Variants in CDKL3 observed in about 807,000 individuals in gnomAD.
CDKL3 encodes cyclin dependent kinase like 3, also known as cyclin-dependent kinase-like 3.
In CDKL3, 65 loss-of-function variants were observed where a neutral mutation model predicts 69.3. The ratio of observed to expected loss-of-function variants is 0.94; its 90% CI spans 0.77 to 1.15. The LOEUF (loss-of-function observed/expected upper bound fraction) is 1.15, where lower values mean the gene tolerates loss of function less well. Among genes scored for constraint, CDKL3 ranks in the 50% most tolerant of loss-of-function variants. The pLI is 0.00. For synonymous variants in CDKL3, 202 were observed against 221.6 expected (o/e 0.91, Z 0.79); for missense variants, 652 against 689.2 (o/e 0.95, Z 0.61).
At chr5:134,364,399 C>G (rs17167475) in intron 2 of CDKL3, among the ~76,000 whole-genome samples, 23,089 of 152,162 alleles carry the variant, frequency 0.15, 2,226 homozygotes, top group African/African-American at 0.27. Flanking sequence ...AATTGAAGTA[C>G]TTCCCAAACC....
At chr5:134,321,931 A>T in intron 4 of CDKL3, 28 bp from the exon 5 acceptor site, 1 of 1,101,156 alleles carries the variant, frequency 9.1e-7, no homozygotes. Flanking sequence ...AAAAAAAATC[A>T]CTTTTTCATG....
At chr5:134,326,059 C>T (rs971087307) in intron 4 of CDKL3, among the ~76,000 whole-genome samples, 1 of 151,828 alleles carries the variant, frequency 6.6e-6, no homozygotes, top group Admixed American at 6.6e-5. Context: ...AGGCGTGAGC[C>T]ACTGCACCAT....
chr5:134,325,030 T>C (rs1376507890), intron 4 of CDKL3, among the ~76,000 whole-genome samples: 1 of 152,130 alleles, frequency 6.6e-6, no homozygotes, highest in Non-Finnish European at 1.5e-5. Flanking sequence ...AAATAAAAAG[T>C]GGCAGGGCTT....
At chr5:134,357,354 G>C (rs1259075761) in intron 3 of CDKL3, among the ~76,000 whole-genome samples, 1 of 152,068 alleles carries the variant, frequency 6.6e-6, no homozygotes, top group Non-Finnish European at 1.5e-5. Context: ...TGAGGCAGGA[G>C]AATCACTTGA....
intron 8 of CDKL3, among the ~76,000 whole-genome samples, chr5:134,286,763 G>C (rs1209337812): frequency 2.0e-5 from 3 of 152,218 alleles, no homozygotes; most frequent in African/African-American, 7.2e-5. Context: ...ACTATTATGA[G>C]AACAGCACAG....
intron 4 of CDKL3, among the ~76,000 whole-genome samples, chr5:134,330,082 T>C (rs891959373): frequency 4.6e-5 from 7 of 152,024 alleles, no homozygotes; most frequent in African/African-American, 1.4e-4. Flanking sequence ...ATTCTCAGTG[T>C]AAGATCCATA....
intron 12 of CDKL3, chr5:134,299,332 G>C (rs1265153013): frequency 8.0e-6 from 2 of 249,204 alleles, no homozygotes; most frequent in African/African-American, 4.6e-5. Flanking sequence ...CACATATTTA[G>C]AAACTTTTCC....
chr5:134,367,792 T>C (rs780334266), upstream of CDKL3, among the ~76,000 whole-genome samples: 2 of 152,236 alleles, frequency 1.3e-5, no homozygotes, highest in Non-Finnish European at 2.9e-5. Context: ...TGTCAAACTC[T>C]AGGAAAGCAA....
intron 8 of CDKL3, among the ~76,000 whole-genome samples, chr5:134,292,433 A>C (rs1248574019): frequency 6.6e-6 from 1 of 152,212 alleles, no homozygotes; most frequent in Non-Finnish European, 1.5e-5. Flanking sequence ...GGATAACAAC[A>C]TTTAAATTTG....
downstream of CDKL3, chr5:134,298,378 T>C (rs1276503937): frequency 1.7e-6 from 2 of 1,205,536 alleles, no homozygotes; most frequent in African/African-American, 3.1e-5. Flanking sequence ...TTGTATCATG[T>C]CACGGCTTGT....
chr5:134,329,442 ATTAAT>A (rs887165886), intron 4 of CDKL3, among the ~76,000 whole-genome samples: 88 of 151,814 alleles, frequency 5.8e-4, no homozygotes, highest in East Asian at 9.7e-4. Context: ...TCTTCTGTTA[ATTAAT>A]TTAATTTAAT....
At chr5:134,368,934 G>T (rs766445071), upstream of CDKL3, among the ~76,000 whole-genome samples, 1 of 152,124 alleles carries the variant, frequency 6.6e-6, no homozygotes. Context: ...GGCGTCTGAA[G>T]GAGAATTACT....
intron 8 of CDKL3, among the ~76,000 whole-genome samples, chr5:134,290,849 T>C (rs1765097777): frequency 6.6e-6 from 1 of 152,078 alleles, no homozygotes; most frequent in African/African-American, 2.4e-5. Flanking sequence ...ACTTAAGTTT[T>C]ATTAAGAACA....
At chr5:134,371,203 A>G, upstream of CDKL3, 1 of 276,506 alleles carries the variant, frequency 3.6e-6, no homozygotes, top group East Asian at 1.0e-4. Context: ...CACCCCGCCG[A>G]GCCTAAACTA....
At chr5:134,327,654 G>C (rs1410402862) in intron 4 of CDKL3, among the ~76,000 whole-genome samples, 1 of 152,140 alleles carries the variant, frequency 6.6e-6, no homozygotes, top group Non-Finnish European at 1.5e-5. Context: ...AACACAGTTA[G>C]GAGATGCTTT....
At chr5:134,367,826 T>C (rs1757814624), upstream of CDKL3, among the ~76,000 whole-genome samples, 1 of 152,298 alleles carries the variant, frequency 6.6e-6, no homozygotes, top group African/African-American at 2.4e-5. Context: ...TTCCACCATA[T>C]ACGAAATGAT....
chr5:134,347,393 C>G (rs968181366), intron 4 of CDKL3, among the ~76,000 whole-genome samples: 4 of 152,090 alleles, frequency 2.6e-5, no homozygotes, highest in Admixed American at 1.3e-4. Flanking sequence ...ATTCTAACTC[C>G]TAAGTATATA....
At chr5:134,305,395 A>G (rs910027184) in intron 10 of CDKL3, among the ~76,000 whole-genome samples, 6 of 152,118 alleles carry the variant, frequency 3.9e-5, no homozygotes, top group African/African-American at 1.4e-4. Flanking sequence ...ATTACAGGTG[A>G]GAGCCACTGT....
intron 8 of CDKL3, among the ~76,000 whole-genome samples, chr5:134,288,995 G>T (rs1348752085): frequency 6.6e-6 from 1 of 150,600 alleles, no homozygotes; most frequent in African/African-American, 2.4e-5. Flanking sequence ...GGCCCTGTCT[G>T]TATGAAAAAT....
Sources: allele counts gnomAD v4.1 joint callset (sites outside exome capture counted in the v4.1 genomes callset), GRCh38; gene constraint gnomAD v4.1.1; transcripts MANE v1.5; gene names NCBI Gene and HGNC (gene_info 2026-07-23, HGNC 2026-07-21).